Variants in TENM3 observed in about 807,000 individuals in gnomAD.
TENM3 encodes the protein teneurin-3.
TENM3 carries 63 observed loss-of-function variants against 255.1 expected under a neutral mutation model. That is an observed-to-expected ratio of 0.25 (90% confidence interval 0.20 to 0.30). TENM3 has a LOEUF of 0.30. TENM3 is among the 10% of genes least tolerant of loss of function. The pLI, the probability that TENM3 is intolerant of heterozygous loss-of-function variation, is 1.00. For synonymous variants in TENM3, 1,306 were observed against 1,322.3 expected, an observed-to-expected ratio of 0.99 and a Z score of 0.27; for missense variants, 2,929 against 3,461.1, an observed-to-expected ratio of 0.85 and a Z score of 3.86.
the TENM3 span, among the ~76,000 whole-genome samples, chr4:182,014,190 A>G: frequency 5.0e-4 from 74 of 148,500 alleles, 1 homozygote; most frequent in East Asian, 9.9e-4. Flanking sequence ...ATGTGTGTGT[A>G]TATATATATA....
upstream of TENM3, among the ~76,000 whole-genome samples, chr4:182,240,777 A>G (rs769576695): frequency 2.4e-4 from 37 of 152,058 alleles, no homozygotes; most frequent in Admixed American, 5.9e-4. Context: ...TGGAGCAGGG[A>G]GACAGTAAGG....
At chr4:182,709,053 C>T (rs573620260) in intron 12 of TENM3, among the ~76,000 whole-genome samples, 35 of 152,072 alleles carry the variant, frequency 2.3e-4, no homozygotes, top group Admixed American at 9.2e-4. Flanking sequence ...TGCAATCTCA[C>T]CTCACTGCAA....
intron 3 of TENM3, among the ~76,000 whole-genome samples, chr4:182,410,388 C>T (rs1424379912): frequency 2.6e-5 from 4 of 152,150 alleles, no homozygotes; most frequent in East Asian, 3.9e-4. Context: ...CATGCCTGGA[C>T]GCATGGCCCA....
At chr4:182,450,369 T>A (rs764364027) in intron 3 of TENM3, among the ~76,000 whole-genome samples, 7 of 152,164 alleles carry the variant, frequency 4.6e-5, no homozygotes, top group Non-Finnish European at 7.4e-5. Context: ...TAGTGCAGCA[T>A]GTACTGGTCT....
At chr4:182,062,802 G>A in the TENM3 span, among the ~76,000 whole-genome samples, 14,023 of 152,248 alleles carry the variant, frequency 0.092, 705 homozygotes, top group Middle Eastern at 0.13. Flanking sequence ...GTTTTGAGAA[G>A]TTTAGTATGA....
the TENM3 span, among the ~76,000 whole-genome samples, chr4:182,042,362 G>A: frequency 1.3e-5 from 2 of 152,096 alleles, no homozygotes; most frequent in Non-Finnish European, 2.9e-5. Flanking sequence ...AAAATGGAAA[G>A]TGTCTTCTAC....
At chr4:182,551,462 G>A (rs778667788) in intron 3 of TENM3, among the ~76,000 whole-genome samples, 31 of 152,188 alleles carry the variant, frequency 2.0e-4, no homozygotes, top group Admixed American at 3.3e-4. Context: ...GGTCAATTAC[G>A]TGAATTTGCA....
the TENM3 span, among the ~76,000 whole-genome samples, chr4:181,765,622 T>C: frequency 2.0e-5 from 3 of 152,072 alleles, no homozygotes; most frequent in Non-Finnish European, 4.4e-5. Context: ...TACTTTCAAG[T>C]CAAATCATCA....
At chr4:181,802,348 C>G in the TENM3 span, among the ~76,000 whole-genome samples, 1 of 152,092 alleles carries the variant, frequency 6.6e-6, no homozygotes, top group Non-Finnish European at 1.5e-5. Context: ...AAGATTTTGC[C>G]ATAACTTTTC....
chr4:181,455,726 A>G, the TENM3 span, among the ~76,000 whole-genome samples: 13 of 151,896 alleles, frequency 8.6e-5, no homozygotes, highest in African/African-American at 3.1e-4. Context: ...TTATTCTTTA[A>G]TATATATATT....
chr4:182,737,213 G>A (rs1761236217), intron 17 of TENM3, 138 bp downstream of exon 17: 1 of 923,554 alleles, frequency 1.1e-6, no homozygotes, highest in Non-Finnish European at 1.6e-6. Flanking sequence ...ATTATACCTT[G>A]GCTGGTTTAG....
intron 1 of TENM3, among the ~76,000 whole-genome samples, chr4:182,292,175 G>C (rs1761173832): frequency 6.6e-6 from 1 of 152,074 alleles, no homozygotes; most frequent in Non-Finnish European, 1.5e-5. Flanking sequence ...ATGCTATAAA[G>C]ATTTATTGTA....
chr4:181,610,609 A>C, the TENM3 span, among the ~76,000 whole-genome samples: 1 of 152,170 alleles, frequency 6.6e-6, no homozygotes, highest in Non-Finnish European at 1.5e-5. Context: ...GAAATGAGTG[A>C]TGTGACACAA....
Position 182,601,119 on chromosome 4 carries a change from A to G in TENM3, c.707A>G (p.Gln236Arg). 6.2e-7 allele frequency: 1 copy of G among 1,613,856 alleles called. No individual in the cohort carries two copies. The highest frequency in any genetic ancestry group is 8.5e-7 in the Non-Finnish European group (1 of 1,179,828). The change falls in exon 4 of 28, where the codon CAG becomes CGG. Residue 236 changes from glutamine to arginine, a missense_variant. Physicochemically the swap from Gln to Arg is conservative, Grantham distance 43 (BLOSUM62 1). Coordinates refer to ENST00000511685, the MANE Select transcript of TENM3 (RefSeq NM_001080477.4). ...LQTTPESVQL[Q>R]DSWVLGSNVP... The stretch of plus-strand genomic sequence containing the variant: ...ACCACACCCGAGTCCGTCCAGCTGC[A>G]GGACAGCTGGGTCCTTGGCAGTAAT...
intron 18 of TENM3, among the ~76,000 whole-genome samples, chr4:182,741,128 A>G (rs1250669113): frequency 6.6e-6 from 1 of 152,218 alleles, no homozygotes; most frequent in Non-Finnish European, 1.5e-5. Flanking sequence ...GTGAGCCAAG[A>G]TTGTGCCACT....
At chr4:182,589,242 CTT>C (rs891096743) in intron 3 of TENM3, among the ~76,000 whole-genome samples, 10 of 152,078 alleles carry the variant, frequency 6.6e-5, no homozygotes, top group African/African-American at 1.9e-4. Context: ...TGTAAGCACT[CTT>C]TATCTTTCTG....
chr4:181,706,865 C>T, the TENM3 span, among the ~76,000 whole-genome samples: 1 of 152,186 alleles, frequency 6.6e-6, no homozygotes, highest in Admixed American at 6.5e-5. Context: ...CATTTGTTAG[C>T]TCATTTCTTC....
the TENM3 span, among the ~76,000 whole-genome samples, chr4:181,819,444 T>C: frequency 6.6e-6 from 1 of 152,212 alleles, no homozygotes; most frequent in Non-Finnish European, 1.5e-5. Flanking sequence ...TTTTTGCTAA[T>C]GTATTCCCAC....
At chr4:182,280,069 C>G (rs974416293) in intron 1 of TENM3, among the ~76,000 whole-genome samples, 3 of 152,188 alleles carry the variant, frequency 2.0e-5, no homozygotes, top group Non-Finnish European at 4.4e-5. Flanking sequence ...ATTGGAGTGT[C>G]CTTTTCATCA....
Sources: gnomAD v4.1 joint callset for allele counts (sites outside exome capture counted in the v4.1 genomes callset) on GRCh38, gnomAD v4.1.1 for gene constraint, MANE v1.5 for transcripts, NCBI Gene and HGNC (gene_info 2026-07-23, HGNC 2026-07-21) for gene names.